The following TDRD9 variants were observed in gnomAD, a reference collection of about 807,000 sequenced individuals.
The protein encoded by TDRD9 is ATP-dependent RNA helicase TDRD9.
TDRD9 carries 124 observed loss-of-function variants against 172.6 expected under a neutral mutation model. The observed-to-expected ratio is 0.72, with a 90% CI of 0.62 to 0.83. The LOEUF is 0.83. Ranked by LOEUF, TDRD9 falls within the 40% of genes least tolerant of loss-of-function variation. The pLI, the probability that TDRD9 is intolerant of heterozygous loss-of-function variation, is 0.00. For synonymous variants in TDRD9, 619 were observed against 617.1 expected (o/e 1.00, Z -0.05); for missense variants, 1,479 against 1,714.1 (o/e 0.86, Z 2.42).
At chr14:103,999,626 T>A (rs188305330) in intron 13 of TDRD9, among the ~76,000 whole-genome samples, 1 of 150,192 alleles carries the variant, frequency 6.7e-6, no homozygotes, top group Non-Finnish European at 1.5e-5. Context: ...TGGCTTTTTT[T>A]TTTGTTTGTT....
chr14:104,018,664 C>T (rs1256749534), intron 23 of TDRD9, among the ~76,000 whole-genome samples: 1 of 152,162 alleles, frequency 6.6e-6, no homozygotes, highest in Non-Finnish European at 1.5e-5. Context: ...CTACTTACTG[C>T]ATGTAAGGAA....
At chr14:103,961,606 A>C (rs1279013804) in intron 2 of TDRD9, among the ~76,000 whole-genome samples, 1 of 151,644 alleles carries the variant, frequency 6.6e-6, no homozygotes, top group Non-Finnish European at 1.5e-5. Context: ...AAAAAAAGCC[A>C]TATCGGCAGG....
chr14:103,965,360 G>C lies in TDRD9; in HGVS notation c.448G>C (p.Val150Leu). The C allele has an allele frequency of 2.6e-6, 4 of 1,551,644 alleles. No homozygotes were observed. The highest frequency in any genetic ancestry group is 3.5e-6 in the Non-Finnish European group (4 of 1,146,984). Residue 150 changes from valine to leucine, a missense_variant, in exon 4 of 36, where the codon GTG (valine) becomes CTG (leucine). By Grantham distance (32) the Val-to-Leu change is conservative. Transcript: ENST00000409874. ...TGTGTCTTTGATAGAAAGTAATTCCGTGGTGATTATCCATGGGGCCACGGG... is the reference window on the plus strand; with the variant it reads ...TGTGTCTTTGATAGAAAGTAATTCCCTGGTGATTATCCATGGGGCCACGGG... ...EVVSLIESNS[V>L]VIIHGATGSG...
At chr14:103,941,358 A>C in intron 1 of TDRD9, 1 of 1,426,878 alleles carries the variant, frequency 7.0e-7, no homozygotes, top group Non-Finnish European at 9.4e-7. Context: ...ACTTGGACTT[A>C]GCAGTAGCAG....
intron 1 of TDRD9, chr14:103,945,521 C>A (rs2031512307): frequency 6.6e-6 from 1 of 151,580 alleles, no homozygotes. Context: ...TATTTGTAAG[C>A]AAAGGTAAGG....
chr14:104,022,689 T>A (rs2034996062), intron 24 of TDRD9, among the ~76,000 whole-genome samples: 1 of 151,638 alleles, frequency 6.6e-6, no homozygotes, highest in Non-Finnish European at 1.5e-5. Context: ...ATTGCACCAC[T>A]GCACTCCAGC....
chr14:103,965,806 G>A (rs912629943), intron 4 of TDRD9, among the ~76,000 whole-genome samples: 10 of 150,768 alleles, frequency 6.6e-5, no homozygotes, highest in Non-Finnish European at 1.5e-4. Context: ...TTAGCCGGAT[G>A]TGGTGGTGCA....
At position 104,008,059 on chromosome 14, in the gene TDRD9, G is replaced by C. The variant is rs766947206; in HGVS notation, c.2053-354G>C. 3.3e-5 allele frequency among the ~76,000 whole-genome samples: 5 copies of C among 152,288 alleles called. No individual in the cohort carries two copies. The South Asian group carries it at 1.0e-3, about 32-fold the overall frequency. ...CTCCCAAAGTGGTGGGATTACAGGC[G>C]TGAACCACCGCGCCTGGCTTAAAGT... On this transcript the variant is annotated intron_variant, in intron 19 of 35. Transcript: ENST00000409874.
Position 104,026,937 on chromosome 14 carries a change from A to G in TDRD9, c.3280A>G (p.Lys1094Glu). 1 of 1,612,954 alleles carries G rather than the reference A, an allele frequency of 6.2e-7. No homozygotes were observed. The highest frequency in any genetic ancestry group is 8.5e-7 in the Non-Finnish European group (1 of 1,179,108). ...GCTCACGGAGGAGTCCTACGAGTCC[A>G]AGGTGTGTGCTTTCGCCGTTGCTGG... The part of the protein sequence containing the change: ...AELTEESYES[K>E]QSHEVLKGLF... Residue 1094 changes from lysine (K) to glutamate (E), a missense_variant and splice_region_variant, in exon 28 of 36, where the codon AAG (lysine) becomes GAG (glutamate). Coordinates refer to ENST00000409874, the MANE Select transcript of TDRD9 (RefSeq NM_153046.3).
intron 8 of TDRD9, among the ~76,000 whole-genome samples, chr14:103,990,814 T>G (rs2033836745): frequency 6.6e-6 from 1 of 152,234 alleles, no homozygotes; most frequent in Non-Finnish European, 1.5e-5. Context: ...TTCTAATAGT[T>G]TGGACTCATG....
At position 104,050,869 on chromosome 14, in the gene TDRD9, C is replaced by T. The variant is rs114954906; in HGVS notation, c.4048-1112C>T. ...AGTATGTTTTAGAAAATTTCAGTGT[C>T]TTCAAGACCTGTAATGCAATTACCA... On this transcript the variant is annotated intron_variant, in intron 35 of 35. Transcript: ENST00000409874. Among the ~76,000 whole-genome samples, 267 of 152,368 alleles carry T rather than the reference C, an allele frequency of 1.8e-3. 1 individual carries two copies. The highest frequency in any genetic ancestry group is 6.3e-3 in the African/African-American group (261 of 41,582).
At chr14:104,041,691 T>A (rs1401704263) in intron 33 of TDRD9, among the ~76,000 whole-genome samples, 1 of 152,154 alleles carries the variant, frequency 6.6e-6, no homozygotes, top group African/African-American at 2.4e-5. Context: ...TAACCAGCAA[T>A]GGCAAGGAGG....
At position 104,052,007 on chromosome 14, in the gene TDRD9, G is replaced by A. The variant is rs762457081; in HGVS notation, c.4074G>A (p.Gln1358=). Residue 1358 remains glutamine (Q), a synonymous_variant, in exon 36 of 36, where the codon CAG becomes CAA. Transcript: ENST00000409874. The part of the protein sequence containing the change: ...NQVDPKLVME[Q]ADRESSRGKN... ...TTGATCCAAAGCTGGTCATGGAGCA[G>A]GCCGACCGTGAGAGCAGCAGAGGGA... is the stretch of plus-strand genomic sequence containing the variant. 3.8e-6 allele frequency: 6 copies of A among 1,596,502 alleles called. No individual in the cohort carries two copies. In the Admixed American group the frequency reaches 1.0e-4, roughly 28 times the overall value.
At chr14:103,952,441 C>T (rs1252714551) in intron 1 of TDRD9, among the ~76,000 whole-genome samples, 5 of 149,244 alleles carry the variant, frequency 3.4e-5, no homozygotes, top group East Asian at 2.0e-4. Flanking sequence ...CGGGGTTTCA[C>T]CGTGTTAGCC....
chr14:103,981,336 C>T (rs2152179752), intron 7 of TDRD9, among the ~76,000 whole-genome samples: 1 of 152,260 alleles, frequency 6.6e-6, no homozygotes, highest in East Asian at 1.9e-4. Flanking sequence ...TAGATGCTTC[C>T]TTGTGGACCC....
chr14:103,962,873 A>G (rs187832702), intron 2 of TDRD9, among the ~76,000 whole-genome samples: 6 of 151,696 alleles, frequency 4.0e-5, no homozygotes, highest in South Asian at 2.1e-4. Context: ...TCTTTATCCA[A>G]TCCACCATTG....
intron 5 of TDRD9, 71 bp downstream of exon 5, chr14:103,966,902 C>A: frequency 7.4e-7 from 1 of 1,353,534 alleles, no homozygotes; most frequent in South Asian, 1.9e-5. Flanking sequence ...TATTGTGAAC[C>A]CTGTCTTTGT....
intron 1 of TDRD9, among the ~76,000 whole-genome samples, chr14:103,942,637 C>T (rs2031307650): frequency 6.6e-6 from 1 of 152,176 alleles, no homozygotes; most frequent in Admixed American, 6.5e-5. Context: ...TATTCTTCAG[C>T]TTAACTTTCA....
At chr14:103,937,897 A>G (rs2030881117) in intron 1 of TDRD9, among the ~76,000 whole-genome samples, 1 of 151,608 alleles carries the variant, frequency 6.6e-6, no homozygotes, top group South Asian at 2.1e-4. Flanking sequence ...AGTATACTGA[A>G]GGATGAACAT....
Sources: allele counts gnomAD v4.1 joint callset (sites outside exome capture counted in the v4.1 genomes callset), GRCh38; gene constraint gnomAD v4.1.1; transcripts MANE v1.5; gene names NCBI Gene and HGNC (gene_info 2026-07-23, HGNC 2026-07-21).